The following DEUP1 variants were observed in gnomAD, a reference collection of about 807,000 sequenced individuals.
DEUP1 encodes the protein deuterosome assembly protein 1, also known as coiled-coil domain containing 67.
Under a neutral mutation model 87.4 loss-of-function variants are expected in DEUP1, and 82 were observed. The observed-to-expected ratio is 0.94, with a 90% confidence interval of 0.78 to 1.13. The LOEUF (loss-of-function observed/expected upper bound fraction) is 1.13. Among genes scored for constraint, DEUP1 ranks in the 50% most tolerant of loss-of-function variants. DEUP1 has a pLI of 0.00. For missense variants in DEUP1, 663 were observed against 681.5 expected (o/e 0.97, Z 0.30); for synonymous variants, 214 against 222.7 (o/e 0.96, Z 0.35).
intron 13 of DEUP1, among the ~76,000 whole-genome samples, chr11:93,417,596 C>T (rs1454173751): frequency 9.9e-5 from 15 of 152,124 alleles, no homozygotes; most frequent in African/African-American, 3.4e-4. Flanking sequence ...ATGAAAATGG[C>T]CATACTGCCC....
At chr11:93,399,810 AG>A (rs1947061389) in intron 11 of DEUP1, among the ~76,000 whole-genome samples, 1 of 151,670 alleles carries the variant, frequency 6.6e-6, no homozygotes, top group Non-Finnish European at 1.5e-5. Context: ...GGCTCATAGT[AG>A]GTTTTTTTTC....
Position 93,408,297 on chromosome 11 carries a change from G to T in DEUP1, c.1393G>T (p.Glu465Ter). Residue 465 changes from glutamate to a stop codon, truncating the protein, a stop_gained, in exon 12 of 14, where the codon GAA becomes TAA. Transcript: ENST00000298050. LOFTEE classifies it high-confidence loss of function. ...TSINKLQYEN[E>*]RLRNDLAKLH... is the part of the protein sequence containing the mutation. Reference sequence around the variant, plus strand: ...TATTAATAAACTGCAATATGAGAATGAAAGGCTCCGAAATGATCTTGCAAA... The same window carrying T: ...TATTAATAAACTGCAATATGAGAATTAAAGGCTCCGAAATGATCTTGCAAA... 1 of 1,581,210 alleles carries T rather than the reference G, an allele frequency of 6.3e-7. No homozygotes were observed.
chr11:93,363,116 A>G lies in DEUP1; in HGVS notation c.298-1044A>G, dbSNP rs114155053. ...TTTCACATTAAGCTGAGTGAAAAAA[A>G]TACAATCCCAAAAGGTAATGTGCTG... On this transcript the variant is annotated intron_variant, in intron 4 of 13. Transcript: ENST00000298050. 4.4e-3 allele frequency among the ~76,000 whole-genome samples: 671 copies of G among 152,068 alleles called. 5 individuals carry two copies. The highest frequency in any genetic ancestry group is 0.015 in the African/African-American group (641 of 41,570).
intron 8 of DEUP1, among the ~76,000 whole-genome samples, chr11:93,385,856 A>G (rs561224988): frequency 1.3e-5 from 2 of 152,138 alleles, no homozygotes; most frequent in East Asian, 3.9e-4. Context: ...TTTCAAGACA[A>G]GCCTTAGGCA....
Position 93,430,821 on chromosome 11 carries a change from C to T in DEUP1, c.1639-6722C>T, listed in dbSNP as rs184559722. ...CAAATAAGAAAATATCAAGGCCAGG[C>T]GCTGTGGCTCATGCCTATAATCCCA... On this transcript the variant is annotated intron_variant, in intron 13 of 13. Coordinates refer to ENST00000298050, the MANE Select transcript of DEUP1 (RefSeq NM_181645.4). Among the ~76,000 whole-genome samples, 18 of 152,172 alleles carry T rather than the reference C, an allele frequency of 1.2e-4. No homozygotes were observed. The East Asian group carries it at 3.1e-3, about 26-fold the overall frequency.
At chr11:93,412,974 A>G (rs1947484250) in intron 12 of DEUP1, among the ~76,000 whole-genome samples, 1 of 152,156 alleles carries the variant, frequency 6.6e-6, no homozygotes, top group Non-Finnish European at 1.5e-5. Flanking sequence ...GTTTTTGTGT[A>G]CTAATTTACA....
intron 11 of DEUP1, among the ~76,000 whole-genome samples, chr11:93,406,596 A>G (rs969621685): frequency 6.6e-6 from 1 of 151,928 alleles, no homozygotes; most frequent in African/African-American, 2.4e-5. Flanking sequence ...TCACAAGGGA[A>G]AAAGACTGAC....
intron 3 of DEUP1, among the ~76,000 whole-genome samples, chr11:93,355,857 A>G (rs368938495): frequency 7.2e-5 from 11 of 152,224 alleles, no homozygotes; most frequent in African/African-American, 2.7e-4. Context: ...TGCTGCAGAA[A>G]CAAAGAAGTA....
intron 13 of DEUP1, among the ~76,000 whole-genome samples, chr11:93,416,665 C>G (rs1947643179): frequency 6.6e-6 from 1 of 151,718 alleles, no homozygotes; most frequent in South Asian, 2.1e-4. Context: ...GGGAATCCTC[C>G]CTAACTCATT....
intron 7 of DEUP1, among the ~76,000 whole-genome samples, chr11:93,373,834 G>A (rs1313916281): frequency 6.6e-6 from 1 of 151,806 alleles, no homozygotes; most frequent in Non-Finnish European, 1.5e-5. Flanking sequence ...TCAAATGGTA[G>A]ATCTACCTTG....
intron 9 of DEUP1, among the ~76,000 whole-genome samples, chr11:93,392,292 C>T (rs1363884233): frequency 6.6e-6 from 1 of 152,196 alleles, no homozygotes; most frequent in Non-Finnish European, 1.5e-5. Flanking sequence ...TTCCAGGACC[C>T]TTCCCACAGA....
At chr11:93,431,770 C>T (rs961483257) in intron 13 of DEUP1, among the ~76,000 whole-genome samples, 8 of 151,914 alleles carry the variant, frequency 5.3e-5, no homozygotes, top group Non-Finnish European at 1.0e-4. Context: ...GGTGTGTAGA[C>T]CAGACTTGAC....
chr11:93,382,973 A>G (rs977991271), intron 7 of DEUP1, among the ~76,000 whole-genome samples: 2 of 152,284 alleles, frequency 1.3e-5, no homozygotes, highest in African/African-American at 4.8e-5. Context: ...GGGCTAAAGT[A>G]ATGCTACTAT....
chr11:93,376,375 T>C (rs1292267027), intron 7 of DEUP1, among the ~76,000 whole-genome samples: 1 of 152,196 alleles, frequency 6.6e-6, no homozygotes, highest in African/African-American at 2.4e-5. Context: ...CGGGAATTTG[T>C]CATCTTTTCT....
intron 11 of DEUP1, among the ~76,000 whole-genome samples, chr11:93,405,080 A>G (rs926979568): frequency 1.1e-4 from 16 of 152,014 alleles, no homozygotes; most frequent in Non-Finnish European, 2.9e-5. Flanking sequence ...ATCACAGATT[A>G]AATCTAATTT....
intron 13 of DEUP1, among the ~76,000 whole-genome samples, chr11:93,431,354 G>T (rs557942488): frequency 6.6e-6 from 1 of 152,244 alleles, no homozygotes; most frequent in South Asian, 2.1e-4. Context: ...TGGCAGGCAT[G>T]AGAACCAGAA....
At chr11:93,420,446 AG>A (rs1245805497) in intron 13 of DEUP1, among the ~76,000 whole-genome samples, 1 of 152,142 alleles carries the variant, frequency 6.6e-6, no homozygotes, top group Non-Finnish European at 1.5e-5. Context: ...ACAAACCCAT[AG>A]CCAATATCAT....
chr11:93,384,977 A>G (rs1456975115), intron 7 of DEUP1, among the ~76,000 whole-genome samples: 1 of 152,200 alleles, frequency 6.6e-6, no homozygotes, highest in Non-Finnish European at 1.5e-5. Flanking sequence ...TAATCCCAGC[A>G]CTTTGGGAGG....
At chr11:93,361,203 G>A (rs1945160700) in intron 4 of DEUP1, among the ~76,000 whole-genome samples, 1 of 152,084 alleles carries the variant, frequency 6.6e-6, no homozygotes, top group East Asian at 1.9e-4. Context: ...GAATGAAGGG[G>A]AAATTAAAAC....
Sources: allele counts gnomAD v4.1 joint callset (sites outside exome capture counted in the v4.1 genomes callset), GRCh38; gene constraint gnomAD v4.1.1; transcripts MANE v1.5; gene names NCBI Gene and HGNC (gene_info 2026-07-23, HGNC 2026-07-21).